The following CYFIP2 variants were observed in gnomAD, a reference collection of about 807,000 sequenced individuals.
CYFIP2 encodes the protein cytoplasmic FMR1 interacting protein 2, also known as cytoplasmic FMR1-interacting protein 2.
CYFIP2 carries 29 observed loss-of-function variants against 158.7 expected under a neutral mutation model. That is an observed-to-expected ratio of 0.18 (90% CI 0.14 to 0.25). The LOEUF is 0.25. Among genes scored for constraint, CYFIP2 ranks in the 10% least tolerant of loss-of-function variants. The pLI is 1.00. For missense variants in CYFIP2, 852 were observed against 1,639.5 expected (o/e 0.52, Z 8.29); for synonymous variants, 585 against 617.6 (o/e 0.95, Z 0.78).
At position 157,314,425 on chromosome 5, in the gene CYFIP2, C is replaced by T; in HGVS notation, c.1192C>T (p.Gln398Ter). Residue 398 changes from glutamine (Q) to a stop codon, truncating the protein, a stop_gained, in exon 12 of 31, where the codon CAG (glutamine) becomes TAG (stop). Coordinates refer to ENST00000620254, the MANE Select transcript of CYFIP2 (RefSeq NM_001037333.3). LOFTEE classifies it high-confidence loss of function. ...ELFDLALRGLQLLSKWSAHVM... is the reference protein window; with the variant it reads ...ELFDLALRGL ...CTTCGACCTAGCCCTGCGGGGTCTG[C>T]AGCTTCTATCCAAGTGGAGCGCCCA... 6.2e-7 allele frequency: 1 copy of T among 1,613,884 alleles called. No individual in the cohort carries two copies. The highest frequency in any genetic ancestry group is 1.7e-5 in the Admixed American group (1 of 60,014).
intron 11 of CYFIP2, among the ~76,000 whole-genome samples, chr5:157,312,860 T>A (rs1182266972): frequency 6.6e-6 from 1 of 152,204 alleles, no homozygotes; most frequent in Non-Finnish European, 1.5e-5. Context: ...GCTAGAGCTC[T>A]TTTAAAAATT....
chr5:157,338,999 C>T, intron 21 of CYFIP2, 58 bp from the exon 22 acceptor site: 4 of 1,498,906 alleles, frequency 2.7e-6, no homozygotes, highest in Non-Finnish European at 3.6e-6. Context: ...AGATAAAACA[C>T]ACACATGTAA....
Position 157,334,783 on chromosome 5 carries a change from C to G in CYFIP2, c.2385+1337C>G, listed in dbSNP as rs572733054. Among the ~76,000 whole-genome samples, 9 of 152,036 alleles carry G rather than the reference C, an allele frequency of 5.9e-5. No individual in the cohort carries two copies. In the South Asian group the frequency reaches 8.3e-4, roughly 14 times the overall value. ...TACAAATTAGGAAAGAATAAGGGAA[C>G]CTGACAACTAAATGCAACATGGAAT... On this transcript the variant is annotated intron_variant, in intron 21 of 30. Coordinates refer to ENST00000620254, the MANE Select transcript of CYFIP2 (RefSeq NM_001037333.3).
At chr5:157,330,239 AATGT>A (rs1415622460) in intron 19 of CYFIP2, among the ~76,000 whole-genome samples, 14 of 113,476 alleles carry the variant, frequency 1.2e-4, no homozygotes, top group African/African-American at 4.6e-4. Context: ...TGAGATTTAA[AATGT>A]GTGTGTGTGT....
intron 26 of CYFIP2, among the ~76,000 whole-genome samples, chr5:157,373,036 C>T (rs879547315): frequency 6.6e-6 from 1 of 152,182 alleles, no homozygotes; most frequent in Admixed American, 6.5e-5. Flanking sequence ...TTAACATTAA[C>T]AGCAAAGGGG....
chr5:157,298,082 G>T (rs76667824), intron 5 of CYFIP2, among the ~76,000 whole-genome samples: 1 of 152,156 alleles, frequency 6.6e-6, no homozygotes. Flanking sequence ...GAGCTCAATC[G>T]GGGCCATCAT....
In CYFIP2 at chr5:157,266,406, C is replaced by T. The variant is rs1445212140; in HGVS notation, c.-24+211C>T. The T allele has an allele frequency of 6.6e-6, 1 of 151,896 alleles. No homozygotes were observed. The highest frequency in any genetic ancestry group is 1.5e-5 in the Non-Finnish European group (1 of 67,984). The allele number at this position is 151,896 out of a possible 1,614,324, so 9.4% of individuals were successfully genotyped here. A position where few individuals can be genotyped will look rare whatever the true frequency, so the allele number is the denominator to read the frequency against. Reference sequence around the variant, plus strand: ...CCACCGTGCGTCCCGCGGCACGGACCCTCTGCCCGGGAGGCGCGGGCACAT... The same window carrying T: ...CCACCGTGCGTCCCGCGGCACGGACTCTCTGCCCGGGAGGCGCGGGCACAT... On this transcript the variant is annotated intron_variant, in intron 1 of 30. Coordinates refer to ENST00000620254, the MANE Select transcript of CYFIP2 (RefSeq NM_001037333.3). The surrounding 1 kb of genome is among the most constrained non-coding windows in gnomAD (Gnocchi z 4.2).
chr5:157,319,967 A>T (rs1760457094), intron 14 of CYFIP2, 39 bp downstream of exon 14: 3 of 1,605,278 alleles, frequency 1.9e-6, no homozygotes, highest in Non-Finnish European at 2.6e-6. Context: ...ATCAGACATA[A>T]GCATGCCAGG....
intron 3 of CYFIP2, among the ~76,000 whole-genome samples, chr5:157,291,878 A>T (rs1322717144): frequency 6.6e-6 from 1 of 152,260 alleles, no homozygotes; most frequent in Non-Finnish European, 1.5e-5. Context: ...ATTTATAAAA[A>T]GAGATGGCCT....
chr5:157,323,848 C>A (rs979861167), intron 15 of CYFIP2, 73 bp from the exon 16 acceptor site: 6 of 1,400,050 alleles, frequency 4.3e-6, no homozygotes, highest in African/African-American at 2.9e-5. Flanking sequence ...TACATAAATA[C>A]AACATGAAGC....
chr5:157,355,048 T>A (rs1478938912), intron 23 of CYFIP2, among the ~76,000 whole-genome samples: 1 of 152,124 alleles, frequency 6.6e-6, no homozygotes, highest in Non-Finnish European at 1.5e-5. Context: ...TGGGACCCCT[T>A]ATAACAACCC....
chr5:157,383,135 A>G (rs1200641425), intron 27 of CYFIP2, 130 bp from the exon 28 acceptor site: 1 of 726,324 alleles, frequency 1.4e-6, no homozygotes. Flanking sequence ...AGAACGAAGG[A>G]GAGCAGTTCC....
At position 157,266,430 on chromosome 5, in the gene CYFIP2, A is replaced by T. The variant is rs548791988; in HGVS notation, c.-24+235A>T. On this transcript the variant is annotated intron_variant, in intron 1 of 30. Transcript: ENST00000620254. This position sits in a 1 kb window ranked among gnomAD's most constrained non-coding sequence, Gnocchi z 4.2. ...CCCTCTGCCCGGGAGGCGCGGGCAC[A>T]TCGCGGAGCTCCGGCGCGGCGGCGG... The T allele has an allele frequency of 6.6e-6, 1 of 151,600 alleles. No individual in the cohort carries two copies. Among genetic ancestry groups the T allele is most frequent in the Non-Finnish European group, 1.5e-5 (1 of 67,894 alleles). 9.4% of individuals were successfully genotyped at this position (151,600 alleles called of 1,614,324 possible). A position where few individuals can be genotyped will look rare whatever the true frequency, so the allele number is the denominator to read the frequency against.
At chr5:157,286,548 T>TCATGTA (rs1757395014) in intron 2 of CYFIP2, among the ~76,000 whole-genome samples, 1 of 99,240 alleles carries the variant, frequency 1.0e-5, no homozygotes, top group African/African-American at 4.4e-5. Context: ...ATATGCTATT[T>TCATGTA]TATGTATATA....
At chr5:157,303,609 T>G (rs1301705686) in intron 7 of CYFIP2, among the ~76,000 whole-genome samples, 3 of 152,134 alleles carry the variant, frequency 2.0e-5, no homozygotes, top group African/African-American at 7.2e-5. Context: ...CCCTTGCCAC[T>G]CTTTGTTAAC....
intron 30 of CYFIP2, among the ~76,000 whole-genome samples, chr5:157,392,041 T>G (rs1767348504): frequency 6.6e-6 from 1 of 152,242 alleles, no homozygotes; most frequent in Non-Finnish European, 1.5e-5. Context: ...ATTCATGTGT[T>G]ATTGGCCATT....
chr5:157,311,082 G>A lies in CYFIP2; in HGVS notation c.993-582G>A, dbSNP rs747042809. ...AGGAAAGAGGGTGGAAAGAGAAGGA[G>A]AGAAGGGGGCGAGAGGTAGAGGGGG... On this transcript the variant is annotated intron_variant, in intron 10 of 30. Transcript: ENST00000620254. The surrounding 1 kb of genome is among the most constrained non-coding windows in gnomAD (Gnocchi z 4.7). 2.5e-5 allele frequency: 11 copies of A among 441,766 alleles called. No individual in the cohort carries two copies. Among genetic ancestry groups the A allele is most frequent in the South Asian group, 1.7e-4 (11 of 63,588 alleles). 27.4% of individuals were successfully genotyped at this position (441,766 alleles called of 1,614,324 possible).
At chr5:157,321,526 G>A (rs183650184) in intron 15 of CYFIP2, among the ~76,000 whole-genome samples, 80 of 152,302 alleles carry the variant, frequency 5.3e-4, no homozygotes, top group Admixed American at 7.8e-4. Flanking sequence ...GGGCATCTTC[G>A]TTAAATCCCT....
intron 8 of CYFIP2, among the ~76,000 whole-genome samples, chr5:157,305,904 A>G (rs1759177481): frequency 6.6e-6 from 1 of 152,086 alleles, no homozygotes; most frequent in African/African-American, 2.4e-5. Flanking sequence ...CCATGTATCC[A>G]TTTTATCTCA....
Sources: allele counts gnomAD v4.1 joint callset (sites outside exome capture counted in the v4.1 genomes callset), GRCh38; gene constraint gnomAD v4.1.1; non-coding constraint Gnocchi (gnomAD v3.1); transcripts MANE v1.5; gene names NCBI Gene and HGNC (gene_info 2026-07-23, HGNC 2026-07-21).